Variants in RANBP2 observed in about 807,000 individuals in gnomAD.
RANBP2 encodes RAN binding protein 2.
In RANBP2, 57 loss-of-function variants were observed where a neutral mutation model predicts 303.6. The ratio of observed to expected loss-of-function variants is 0.19; its 90% CI spans 0.15 to 0.23. The LOEUF is 0.23. RANBP2 is among the 10% of genes least tolerant of loss of function. The pLI, the probability that RANBP2 is intolerant of heterozygous loss-of-function variation, is 1.00. For synonymous variants in RANBP2, 1,167 were observed against 1,301.5 expected, an observed-to-expected ratio of 0.90 and a Z score of 2.23; for missense variants, 3,138 against 3,780.8, an observed-to-expected ratio of 0.83 and a Z score of 4.46.
rs73952513 is a variant in RANBP2, at chr2:108,748,779, T to A, written c.1064-141T>A. 2.6e-3 allele frequency: 3,827 copies of A among 1,499,522 alleles called. 77 individuals carry two copies. The African/African-American group carries it at 0.048, about 19-fold the overall frequency. The allele number at this position is 1,499,522 out of a possible 1,614,324, so 92.9% of individuals were successfully genotyped here. A position where few individuals can be genotyped will look rare whatever the true frequency, so the allele number is the denominator to read the frequency against. ...TTTGCTACATAAGCACCGGTTTTGT[T>A]GTCCAGCTGTATTTTTTGGGTTGGA... On this transcript the variant is annotated intron_variant, in intron 8 of 28. Coordinates refer to ENST00000283195, the MANE Select transcript of RANBP2 (RefSeq NM_006267.5).
At chr2:109,616,766 A>T in the RANBP2 span, 1 of 167,094 alleles carries the variant, frequency 6.0e-6, no homozygotes, top group Non-Finnish European at 1.5e-5. Flanking sequence ...CCTATCTCTA[A>T]CACCACTATT....
chr2:108,720,107 C>T (rs1339695466), intron 1 of RANBP2: 34 of 984,254 alleles, frequency 3.5e-5, no homozygotes, highest in Non-Finnish European at 3.7e-5. Flanking sequence ...ACCTCCTTGG[C>T]CTGGAGGAAC....
At chr2:109,518,486 C>T in the RANBP2 span, among the ~76,000 whole-genome samples, 1 of 152,212 alleles carries the variant, frequency 6.6e-6, no homozygotes, top group African/African-American at 2.4e-5. Context: ...AGCCTACGGC[C>T]CAGCTCCACA....
At chr2:109,038,536 T>C in the RANBP2 span, among the ~76,000 whole-genome samples, 5 of 151,976 alleles carry the variant, frequency 3.3e-5, no homozygotes, top group Non-Finnish European at 7.4e-5. Flanking sequence ...AAATTAAAAA[T>C]AAATTTAAAA....
At chr2:109,406,792 G>A in the RANBP2 span, among the ~76,000 whole-genome samples, 8 of 152,298 alleles carry the variant, frequency 5.3e-5, no homozygotes, top group Non-Finnish European at 7.3e-5. Context: ...GGGCAGAAAT[G>A]AAGCAACCAG....
chr2:108,945,070 C>T, the RANBP2 span, among the ~76,000 whole-genome samples: 2 of 152,146 alleles, frequency 1.3e-5, no homozygotes, highest in African/African-American at 4.8e-5. Context: ...GTGCTTTCTG[C>T]CCTTGAATGC....
the RANBP2 span, among the ~76,000 whole-genome samples, chr2:109,155,964 G>T: frequency 2.0e-5 from 3 of 152,194 alleles, no homozygotes; most frequent in Admixed American, 2.0e-4. Flanking sequence ...CATTCTGCAT[G>T]CTGTCACTGA....
intron 3 of RANBP2, 124 bp downstream of exon 3, chr2:108,731,009 G>C (rs1487232165): frequency 4.8e-6 from 6 of 1,252,298 alleles, no homozygotes; most frequent in African/African-American, 1.5e-5. Context: ...TCATAGTACA[G>C]TTACGTGACA....
At chr2:108,913,239 G>T in the RANBP2 span, among the ~76,000 whole-genome samples, 1 of 151,910 alleles carries the variant, frequency 6.6e-6, no homozygotes, top group African/African-American at 2.4e-5. Flanking sequence ...ATGAGCCACC[G>T]CGCCCGGCTG....
chr2:109,286,993 G>T, the RANBP2 span, among the ~76,000 whole-genome samples: 1 of 152,196 alleles, frequency 6.6e-6, no homozygotes, highest in African/African-American at 2.4e-5. Context: ...ACTGAAATGG[G>T]ACGTGCAACT....
At chr2:109,012,672 T>C in the RANBP2 span, among the ~76,000 whole-genome samples, 1 of 152,172 alleles carries the variant, frequency 6.6e-6, no homozygotes, top group Non-Finnish European at 1.5e-5. Context: ...CCCAGCACTT[T>C]GGGAGGCCGA....
At chr2:109,019,294 CTGT>C in the RANBP2 span, among the ~76,000 whole-genome samples, 5 of 152,184 alleles carry the variant, frequency 3.3e-5, no homozygotes, top group Non-Finnish European at 7.3e-5. Context: ...GGTGCTGGTG[CTGT>C]TGTTGTGTGT....
At chr2:109,290,564 C>T in the RANBP2 span, among the ~76,000 whole-genome samples, 1 of 152,234 alleles carries the variant, frequency 6.6e-6, no homozygotes, top group African/African-American at 2.4e-5. Flanking sequence ...TCCTTTGGCC[C>T]GCCCAATGCC....
the RANBP2 span, among the ~76,000 whole-genome samples, chr2:108,941,187 A>G: frequency 2.6e-5 from 4 of 152,214 alleles, no homozygotes; most frequent in Non-Finnish European, 4.4e-5. Flanking sequence ...TTATTGCCGA[A>G]TCGTATTCCA....
the RANBP2 span, among the ~76,000 whole-genome samples, chr2:108,999,854 G>A: frequency 6.9e-4 from 105 of 152,330 alleles, no homozygotes; most frequent in East Asian, 9.3e-3. Context: ...ATCAGTGGCA[G>A]AGGTCAAGGG....
At chr2:109,695,432 C>A in the RANBP2 span, among the ~76,000 whole-genome samples, 1 of 152,196 alleles carries the variant, frequency 6.6e-6, no homozygotes, top group Non-Finnish European at 1.5e-5. Flanking sequence ...GTAGTCCCTG[C>A]TGAGATGCAG....
chr2:109,329,612 G>A, the RANBP2 span, among the ~76,000 whole-genome samples: 1 of 152,214 alleles, frequency 6.6e-6, no homozygotes, highest in African/African-American at 2.4e-5. Flanking sequence ...GAGCTGACAG[G>A]CCTCCCTCAA....
At chr2:108,845,990 T>C in the RANBP2 span, among the ~76,000 whole-genome samples, 3 of 152,348 alleles carry the variant, frequency 2.0e-5, no homozygotes, top group Admixed American at 1.3e-4. Flanking sequence ...ATGAGAATTA[T>C]CTATGATTCT....
At chr2:109,699,365 G>A in the RANBP2 span, among the ~76,000 whole-genome samples, 4 of 152,246 alleles carry the variant, frequency 2.6e-5, no homozygotes, top group Admixed American at 6.5e-5. Context: ...ACCCCCACCC[G>A]CCTCCCTGTG....
Sources: gnomAD v4.1 joint callset for allele counts (sites outside exome capture counted in the v4.1 genomes callset) on GRCh38, gnomAD v4.1.1 for gene constraint, MANE v1.5 for transcripts, NCBI Gene and HGNC (gene_info 2026-07-23, HGNC 2026-07-21) for gene names.